Variants in NEDD4L observed in about 807,000 individuals in gnomAD.
NEDD4L encodes E3 ubiquitin-protein ligase NEDD4-like.
NEDD4L carries 54 observed loss-of-function variants against 148.9 expected under a neutral mutation model. The observed-to-expected ratio is 0.36, with a 90% CI of 0.29 to 0.45. The LOEUF (loss-of-function observed/expected upper bound fraction) is 0.45. Among genes scored for constraint, NEDD4L ranks in the 20% least tolerant of loss-of-function variants. The pLI, the probability that NEDD4L is intolerant of heterozygous loss-of-function variation, is 1.00. For synonymous variants in NEDD4L, 433 were observed against 440.7 expected (o/e 0.98, Z 0.22); for missense variants, 856 against 1,233.8 (o/e 0.69, Z 4.59).
At chr18:58,047,316 T>A in intron 1 of NEDD4L, 1 of 984,836 alleles carries the variant, frequency 1.0e-6, no homozygotes, top group Non-Finnish European at 1.2e-6. Context: ...TAGATTCGTA[T>A]TTTGATTTGA....
intron 1 of NEDD4L, among the ~76,000 whole-genome samples, chr18:58,113,441 T>G (rs28683754): frequency 0.13 from 19,215 of 152,194 alleles, 1,420 homozygotes; most frequent in African/African-American, 0.2. Flanking sequence ...GAGTTTGACT[T>G]TCTCTTTGGT....
chr18:58,198,806 TTTTG>T (rs1292121253), intron 2 of NEDD4L, among the ~76,000 whole-genome samples: 3 of 152,246 alleles, frequency 2.0e-5, no homozygotes, highest in Admixed American at 6.5e-5. Flanking sequence ...TTCTTTGTTT[TTTTG>T]TTTGTTTGTT....
chr18:58,067,772 G>C (rs1449941953), intron 1 of NEDD4L, among the ~76,000 whole-genome samples: 13 of 152,156 alleles, frequency 8.5e-5, no homozygotes, highest in Non-Finnish European at 1.5e-5. Flanking sequence ...TGCAGATGTG[G>C]GTGAGATGAG....
intron 22 of NEDD4L, among the ~76,000 whole-genome samples, chr18:58,369,452 GC>G (rs2146211536): frequency 2.2e-5 from 1 of 46,368 alleles, no homozygotes; most frequent in Non-Finnish European, 4.5e-5. Flanking sequence ...TGTCGGCAGG[GC>G]TCATTCTGCA....
At position 58,397,451 on chromosome 18, in the gene NEDD4L, G is replaced by C. The variant is rs1312264102; in HGVS notation, c.*1182G>C. On this transcript the variant is annotated 3_prime_UTR_variant, in exon 31 of 31. Coordinates refer to ENST00000400345, the MANE Select transcript of NEDD4L (RefSeq NM_001144967.3). ...TCTATCAATTGTGAATCTGGCTGCT[G>C]GTGTATAAAAACCTGGATGTAAAGC... is the stretch of plus-strand genomic sequence containing the variant. 2.6e-5 allele frequency: 4 copies of C among 152,222 alleles called. No homozygotes were observed. The highest frequency in any genetic ancestry group is 6.5e-5 in the Admixed American group (1 of 15,272). The allele number at this position is 152,222 out of a possible 1,614,324, so 9.4% of individuals were successfully genotyped here.
chr18:58,257,409 C>G (rs2048744069), intron 5 of NEDD4L, among the ~76,000 whole-genome samples: 1 of 150,208 alleles, frequency 6.7e-6, no homozygotes, highest in Non-Finnish European at 1.5e-5. Context: ...ACATTACTAT[C>G]CCACAAGTGA....
Position 58,341,034 on chromosome 18 carries a change from A to G in NEDD4L, c.1126-4A>G, listed in dbSNP as rs751357492. On this transcript the variant is annotated splice_region_variant and splice_polypyrimidine_tract_variant and intron_variant, in intron 13 of 30. Transcript: ENST00000400345. ...TAAATAATAATGATTTCTTGCACAA[A>G]CAGCCATCAGTGGCCTATGTACATA... is the stretch of plus-strand genomic sequence containing the variant. The G allele has an allele frequency of 6.2e-7, 1 of 1,606,684 alleles. No homozygotes were observed. The highest frequency in any genetic ancestry group is 2.2e-5 in the East Asian group (1 of 44,732).
chr18:58,181,507 C>T (rs971376389), intron 2 of NEDD4L, among the ~76,000 whole-genome samples: 4 of 149,428 alleles, frequency 2.7e-5, no homozygotes, highest in Non-Finnish European at 5.9e-5. Context: ...CTGTAGCTCA[C>T]TACAGCCTTG....
chr18:58,044,989 G>A (rs1050647015), intron 1 of NEDD4L: 3 of 429,626 alleles, frequency 7.0e-6, no homozygotes, highest in Admixed American at 8.5e-5. Flanking sequence ...GAGGGAGGGG[G>A]CATGCGTGCC....
Position 58,385,527 on chromosome 18 carries a change from T to C in NEDD4L, c.2428T>C (p.Leu810=). 1 of 1,613,176 alleles carries C rather than the reference T, an allele frequency of 6.2e-7. No individual in the cohort carries two copies. Among genetic ancestry groups the C allele is most frequent in the Middle Eastern group, 1.7e-4 (1 of 6,060 alleles). ...TNENKREYID[L]VIQWRFVNRV... ...ATATTGTCCTCTTTTCTCCTGCAGCTTAGTCATCCAGTGGAGATTTGTGAA... is the reference window on the plus strand; with the variant it reads ...ATATTGTCCTCTTTTCTCCTGCAGCCTAGTCATCCAGTGGAGATTTGTGAA... Residue 810 remains leucine (L), a splice_region_variant and synonymous_variant, in exon 26 of 31, where the codon TTA becomes CTA. Transcript: ENST00000400345.
chr18:58,372,830 C>CAAAAAAAAAAAAAA, intron 23 of NEDD4L, among the ~76,000 whole-genome samples: 1 of 132,788 alleles, frequency 7.5e-6, no homozygotes, highest in Non-Finnish European at 1.6e-5. Context: ...ATCTCAAAAA[C>CAAAAAAAAAAAAAA]AAAAAAAAAA....
At chr18:58,065,893 C>T (rs914965954) in intron 1 of NEDD4L, among the ~76,000 whole-genome samples, 1 of 152,152 alleles carries the variant, frequency 6.6e-6, no homozygotes, top group African/African-American at 2.4e-5. Context: ...GCAACTACTC[C>T]AGTAGGGAAG....
At chr18:58,120,110 C>T (rs1041487481) in intron 1 of NEDD4L, among the ~76,000 whole-genome samples, 1 of 152,236 alleles carries the variant, frequency 6.6e-6, no homozygotes, top group Admixed American at 6.5e-5. Flanking sequence ...TTCTTGCTTG[C>T]TCTCTTCAGA....
intron 16 of NEDD4L, among the ~76,000 whole-genome samples, chr18:58,343,925 A>G (rs2042744550): frequency 6.6e-6 from 1 of 152,140 alleles, no homozygotes; most frequent in Non-Finnish European, 1.5e-5. Context: ...CGGTTCCCGT[A>G]TTTCTGGCTA....
At chr18:58,127,682 A>G (rs1382670826) in intron 1 of NEDD4L, among the ~76,000 whole-genome samples, 1 of 151,988 alleles carries the variant, frequency 6.6e-6, no homozygotes, top group Non-Finnish European at 1.5e-5. Flanking sequence ...CTACTAAAAA[A>G]TACCAAAAAT....
At chr18:58,160,074 T>A (rs2036007687) in intron 1 of NEDD4L, among the ~76,000 whole-genome samples, 1 of 152,220 alleles carries the variant, frequency 6.6e-6, no homozygotes, top group Non-Finnish European at 1.5e-5. Flanking sequence ...GACAAAGTCA[T>A]AGGAGAAATG....
chr18:58,238,331 G>C (rs1242391538), intron 2 of NEDD4L, among the ~76,000 whole-genome samples: 1 of 152,182 alleles, frequency 6.6e-6, no homozygotes, highest in Non-Finnish European at 1.5e-5. Flanking sequence ...TTGTTATTGA[G>C]ATGTAGGCTG....
chr18:58,205,827 C>G (rs890651665), intron 2 of NEDD4L, among the ~76,000 whole-genome samples: 1 of 151,854 alleles, frequency 6.6e-6, no homozygotes. Context: ...TTTCACATCC[C>G]CTTGGTTCTA....
At chr18:58,195,378 C>G in intron 2 of NEDD4L, 1 of 1,221,672 alleles carries the variant, frequency 8.2e-7, no homozygotes, top group Non-Finnish European at 1.1e-6. Flanking sequence ...GCTCTGCTGC[C>G]TCTGATGAGG....
Sources: allele counts gnomAD v4.1 joint callset (sites outside exome capture counted in the v4.1 genomes callset), GRCh38; gene constraint gnomAD v4.1.1; transcripts MANE v1.5; gene names NCBI Gene and HGNC (gene_info 2026-07-23, HGNC 2026-07-21).